The following GRIA4 variants were observed in gnomAD, a reference collection of about 807,000 sequenced individuals.
GRIA4 encodes the protein glutamate ionotropic receptor AMPA type subunit 4, also known as glutamate receptor 4.
A neutral mutation model predicts 104.0 loss-of-function variants in GRIA4; 34 were observed. That is an observed-to-expected ratio of 0.33 (90% CI 0.25 to 0.44). The LOEUF (loss-of-function observed/expected upper bound fraction) is 0.44. Ranked by LOEUF, GRIA4 falls within the 20% of genes least tolerant of loss-of-function variation. The probability of loss-of-function intolerance (pLI) is 1.00; values close to 1 mark genes in which losing one functional copy is unlikely to be tolerated. For synonymous variants in GRIA4, 386 were observed against 381.9 expected, an observed-to-expected ratio of 1.01 and a Z score of -0.13; for missense variants, 750 against 1,096.5, an observed-to-expected ratio of 0.68 and a Z score of 4.46.
At chr11:105,620,746 A>G (rs996003435) in intron 3 of GRIA4, among the ~76,000 whole-genome samples, 2 of 151,896 alleles carry the variant, frequency 1.3e-5, no homozygotes, top group African/African-American at 2.4e-5. Context: ...GACTCTTTTA[A>G]CTGTTATGTA....
chr11:105,706,883 G>A (rs1218530775), intron 3 of GRIA4: 1 of 152,288 alleles, frequency 6.6e-6, no homozygotes, highest in Non-Finnish European at 1.5e-5. Flanking sequence ...GGGAATTACT[G>A]AAGGCCTTAA....
intron 4 of GRIA4, among the ~76,000 whole-genome samples, chr11:105,802,020 A>G (rs937376638): frequency 2.6e-5 from 4 of 152,068 alleles, no homozygotes; most frequent in African/African-American, 9.7e-5. Context: ...AGATCCAAGT[A>G]AGGGGATGAG....
intron 10 of GRIA4, chr11:105,912,258 T>G (rs1481086507): frequency 1.0e-6 from 1 of 979,664 alleles, no homozygotes; most frequent in Non-Finnish European, 1.2e-6. Flanking sequence ...TCTCGGAATT[T>G]GTGTGCTTGT....
chr11:105,706,633 T>G (rs778139547), intron 3 of GRIA4: 1 of 152,978 alleles, frequency 6.5e-6, no homozygotes, highest in Non-Finnish European at 1.5e-5. Flanking sequence ...TCACTGCCAC[T>G]GTACTGTTGC....
intron 3 of GRIA4, among the ~76,000 whole-genome samples, chr11:105,684,669 C>T (rs75383031): frequency 0.027 from 3,954 of 147,352 alleles, 101 homozygotes; most frequent in African/African-American, 0.066. Flanking sequence ...AATCAGTCTT[C>T]CTCAATCTTA....
chr11:105,684,323 C>G (rs1952802859), intron 3 of GRIA4, among the ~76,000 whole-genome samples: 1 of 151,900 alleles, frequency 6.6e-6, no homozygotes, highest in Non-Finnish European at 1.5e-5. Flanking sequence ...ACAGAAATAA[C>G]ACGATTTTTT....
intron 3 of GRIA4, among the ~76,000 whole-genome samples, chr11:105,649,365 A>G (rs1459261788): frequency 6.6e-6 from 1 of 152,178 alleles, no homozygotes; most frequent in Non-Finnish European, 1.5e-5. Flanking sequence ...TTTGATATAG[A>G]ATGTGAATTC....
At chr11:105,852,766 TTTTTTCCTGCTAGG>T (rs1944860949) in intron 4 of GRIA4, among the ~76,000 whole-genome samples, 1 of 150,638 alleles carries the variant, frequency 6.6e-6, no homozygotes, top group Admixed American at 6.8e-5. Flanking sequence ...TCATCCTGTG[TTTTTTCCTGCTAGG>T]AACAGAAATT....
At chr11:105,652,315 A>G (rs1951706909) in intron 3 of GRIA4, among the ~76,000 whole-genome samples, 1 of 152,172 alleles carries the variant, frequency 6.6e-6, no homozygotes, top group South Asian at 2.1e-4. Flanking sequence ...ACATACCGAG[A>G]AAGAATGAGA....
At chr11:105,974,538 G>T (rs770239094) in intron 16 of GRIA4, 94 bp downstream of exon 16, 3 of 1,613,356 alleles carry the variant, frequency 1.9e-6, no homozygotes, top group Non-Finnish European at 2.5e-6. Context: ...ATATGGAACC[G>T]AAAGTATTAA....
At chr11:105,843,041 C>T (rs1944453130) in intron 4 of GRIA4, 1 of 152,210 alleles carries the variant, frequency 6.6e-6, no homozygotes. Context: ...TAACTTTTCT[C>T]TGTCCTGAAT....
intron 3 of GRIA4, among the ~76,000 whole-genome samples, chr11:105,691,935 C>CAAAAAAAAAAA (rs202074069): frequency 2.8e-4 from 21 of 76,290 alleles, no homozygotes; most frequent in African/African-American, 3.2e-4. Context: ...AACTCCGTCT[C>CAAAAAAAAAAA]AAAAAAAAAA....
At chr11:105,754,570 CAT>C (rs1940193179) in intron 4 of GRIA4, among the ~76,000 whole-genome samples, 1 of 152,142 alleles carries the variant, frequency 6.6e-6, no homozygotes, top group African/African-American at 2.4e-5. Context: ...GAATAACTCA[CAT>C]ATTGCATTAT....
intron 6 of GRIA4, among the ~76,000 whole-genome samples, chr11:105,888,372 C>T (rs1386841764): frequency 1.4e-5 from 2 of 146,752 alleles, no homozygotes; most frequent in African/African-American, 5.0e-5. Flanking sequence ...CAAGCTCCGC[C>T]TCCCGGGTTC....
chr11:105,763,373 T>C (rs970043446), intron 4 of GRIA4, among the ~76,000 whole-genome samples: 1 of 152,198 alleles, frequency 6.6e-6, no homozygotes, highest in Non-Finnish European at 1.5e-5. Flanking sequence ...TCATTAGCGT[T>C]CTGTGTTGGT....
chr11:105,748,804 G>T (rs1225601602), intron 3 of GRIA4, among the ~76,000 whole-genome samples: 1 of 152,124 alleles, frequency 6.6e-6, no homozygotes, highest in East Asian at 1.9e-4. Flanking sequence ...AAGATAATGT[G>T]AAAAAGGAAG....
chr11:105,740,282 T>A (rs11226837), intron 3 of GRIA4, among the ~76,000 whole-genome samples: 2 of 152,132 alleles, frequency 1.3e-5, no homozygotes, highest in Non-Finnish European at 2.9e-5. Flanking sequence ...TATTGGTGAG[T>A]TAATGCATGG....
In GRIA4 at chr11:105,643,393, T is replaced by C. The variant is rs190314248; in HGVS notation, c.247+30959T>C. On this transcript the variant is annotated intron_variant, in intron 3 of 16. Transcript: ENST00000282499. The stretch of plus-strand genomic sequence containing the variant: ...AACATTGTTTTACTTTAGGAAATAA[T>C]TGTCATCTATCAATTGTCAGCACCT... Among the ~76,000 whole-genome samples, 20 of 152,318 alleles carry C rather than the reference T, an allele frequency of 1.3e-4. No individual in the cohort carries two copies. The South Asian group carries it at 2.3e-3, about 17-fold the overall frequency.
chr11:105,667,321 G>A (rs947394847), intron 3 of GRIA4, among the ~76,000 whole-genome samples: 7 of 151,840 alleles, frequency 4.6e-5, no homozygotes, highest in African/African-American at 1.7e-4. Flanking sequence ...AACTAAAAAA[G>A]TTACTGGATG....
Sources: allele counts gnomAD v4.1 joint callset (sites outside exome capture counted in the v4.1 genomes callset), GRCh38; gene constraint gnomAD v4.1.1; transcripts MANE v1.5; gene names NCBI Gene and HGNC (gene_info 2026-07-23, HGNC 2026-07-21).